Variants in ENO4 observed in about 807,000 individuals in gnomAD.
The protein encoded by ENO4 is enolase 4, also known as 2-phospho-D-glycerate hydro-lyase.
A neutral mutation model predicts 63.2 loss-of-function variants in ENO4; 53 were observed. That is an observed-to-expected ratio of 0.84 (90% CI 0.67 to 1.05). The LOEUF is 1.05. ENO4 is among the 50% of genes least tolerant of loss of function. The pLI is 0.00. For synonymous variants in ENO4, 266 were observed against 283.8 expected, an observed-to-expected ratio of 0.94 and a Z score of 0.63; for missense variants, 719 against 772.0, an observed-to-expected ratio of 0.93 and a Z score of 0.81.
In ENO4 at chr10:116,862,729, G is replaced by A. The variant is rs149324557; in HGVS notation, c.937-70G>A. On this transcript the variant is annotated intron_variant, in intron 6 of 13. Transcript: ENST00000341276. ...AATACTCTGAGTTAGAAATAGCCACGTGTTATAAGTTTTTATACTTAAATT... is the reference window on the plus strand; with the variant it reads ...AATACTCTGAGTTAGAAATAGCCACATGTTATAAGTTTTTATACTTAAATT... The A allele has an allele frequency of 8.6e-4, 937 of 1,089,844 alleles. 6 individuals carry two copies. The African/African-American group carries it at 0.012, about 14-fold the overall frequency. The allele number at this position is 1,089,844 out of a possible 1,614,324, so 67.5% of individuals were successfully genotyped here. A position where few individuals can be genotyped will look rare whatever the true frequency, so the allele number is the denominator to read the frequency against.
At chr10:116,902,442 T>C (rs151306614) in intron 10 of ENO4, among the ~76,000 whole-genome samples, 30 of 152,340 alleles carry the variant, frequency 2.0e-4, no homozygotes, top group African/African-American at 7.2e-4. Context: ...TTCATTTTAA[T>C]GTGAATGAGA....
intron 12 of ENO4, 51 bp downstream of exon 12, chr10:116,879,409 G>C (rs747858054): frequency 4.9e-5 from 67 of 1,380,112 alleles, no homozygotes; most frequent in Non-Finnish European, 6.5e-5. Context: ...ATCACGAATT[G>C]GTATTTCAGA....
chr10:116,895,043 C>G (rs1847467948), intron 10 of ENO4, among the ~76,000 whole-genome samples: 1 of 152,082 alleles, frequency 6.6e-6, no homozygotes, highest in South Asian at 2.1e-4. Flanking sequence ...AGTAATTGAC[C>G]AAACATGAAG....
At chr10:116,892,369 G>A (rs1847365029) in intron 10 of ENO4, among the ~76,000 whole-genome samples, 1 of 152,162 alleles carries the variant, frequency 6.6e-6, no homozygotes, top group Non-Finnish European at 1.5e-5. Context: ...CTCGGCCAAA[G>A]ATTCTGAAAT....
chr10:116,908,510 A>T (rs544833957), intron 10 of ENO4, among the ~76,000 whole-genome samples: 1 of 152,306 alleles, frequency 6.6e-6, no homozygotes, highest in African/African-American at 2.4e-5. Flanking sequence ...TATCATTTGT[A>T]TTTATAATTT....
intron 2 of ENO4, 127 bp downstream of exon 2, chr10:116,855,878 T>G: frequency 2.7e-6 from 3 of 1,100,002 alleles, no homozygotes; most frequent in Non-Finnish European, 3.8e-6. Context: ...TCATAGGTAG[T>G]CATGTAAGCA....
At chr10:116,911,415 C>T in intron 10 of ENO4, 1 of 1,517,782 alleles carries the variant, frequency 6.6e-7, no homozygotes, top group East Asian at 2.5e-5. Context: ...TTAGGATTCT[C>T]CTTTTAGGCT....
chr10:116,874,800 G>C (rs1167540094), intron 10 of ENO4, among the ~76,000 whole-genome samples: 1 of 152,098 alleles, frequency 6.6e-6, no homozygotes, highest in East Asian at 1.9e-4. Flanking sequence ...AGCCTCCCAA[G>C]TAGCTGTGAC....
At chr10:116,910,835 T>C (rs958015107) in intron 10 of ENO4, among the ~76,000 whole-genome samples, 1 of 152,250 alleles carries the variant, frequency 6.6e-6, no homozygotes, top group African/African-American at 2.4e-5. Context: ...AGGCCACCAC[T>C]GTTAGCCAGT....
At chr10:116,893,328 G>A (rs1006161666) in intron 10 of ENO4, among the ~76,000 whole-genome samples, 2 of 152,080 alleles carry the variant, frequency 1.3e-5, no homozygotes, top group African/African-American at 2.4e-5. Flanking sequence ...ATGTACAGGC[G>A]CACATGGAGA....
At chr10:116,908,448 T>C (rs1416395177) in intron 10 of ENO4, among the ~76,000 whole-genome samples, 1 of 152,082 alleles carries the variant, frequency 6.6e-6, no homozygotes, top group African/African-American at 2.4e-5. Context: ...ATACAGAAAA[T>C]AGAACCATAG....
At chr10:116,868,836 T>A in intron 8 of ENO4, 130 bp downstream of exon 8, 1 of 807,392 alleles carries the variant, frequency 1.2e-6, no homozygotes, top group Non-Finnish European at 2.1e-6. Flanking sequence ...TATAGTGATA[T>A]TGCTCCAGAC....
downstream of ENO4, chr10:116,884,159 G>A (rs2257791): frequency 0.73 from 330,648 of 451,662 alleles, 121,787 homozygotes; most frequent in Non-Finnish European, 0.76. Context: ...TAAGCAGGAC[G>A]TATGTAAGTT....
intron 7 of ENO4, among the ~76,000 whole-genome samples, chr10:116,866,144 T>C (rs1048069360): frequency 3.3e-5 from 5 of 152,212 alleles, no homozygotes; most frequent in Non-Finnish European, 7.3e-5. Flanking sequence ...AACACTTTTA[T>C]AGTTTCAAAG....
At chr10:116,906,662 C>G in intron 10 of ENO4, 1 of 1,613,490 alleles carries the variant, frequency 6.2e-7, no homozygotes, top group Non-Finnish European at 8.5e-7. Flanking sequence ...CTTTCTGCGA[C>G]GCAAAATCCT....
intron 10 of ENO4, among the ~76,000 whole-genome samples, chr10:116,904,818 C>G (rs774561305): frequency 1.6e-4 from 24 of 152,176 alleles, no homozygotes; most frequent in Non-Finnish European, 3.1e-4. Context: ...AGTGAAGTAA[C>G]AATGTTTCTG....
At chr10:116,888,958 G>C (rs148474825) in intron 10 of ENO4, among the ~76,000 whole-genome samples, 3 of 152,358 alleles carry the variant, frequency 2.0e-5, no homozygotes, top group Non-Finnish European at 2.9e-5. Flanking sequence ...TCTGCAGATT[G>C]AGTCACCAGT....
chr10:116,896,664 T>A (rs2133313234), intron 10 of ENO4, among the ~76,000 whole-genome samples: 1 of 152,326 alleles, frequency 6.6e-6, no homozygotes, highest in East Asian at 1.9e-4. Flanking sequence ...TTGATCAAAA[T>A]GAATTACTGA....
At chr10:116,875,148 G>A (rs1846792916) in intron 10 of ENO4, among the ~76,000 whole-genome samples, 1 of 152,048 alleles carries the variant, frequency 6.6e-6, no homozygotes, top group African/African-American at 2.4e-5. Flanking sequence ...CAGATATATT[G>A]AACAGATATC....
Sources: allele counts gnomAD v4.1 joint callset (sites outside exome capture counted in the v4.1 genomes callset), GRCh38; gene constraint gnomAD v4.1.1; transcripts MANE v1.5; gene names NCBI Gene and HGNC (gene_info 2026-07-23, HGNC 2026-07-21).